The following ZNF107 variants were observed in gnomAD, a reference collection of about 807,000 sequenced individuals.
The protein encoded by ZNF107 is zinc finger protein 107.
A neutral mutation model predicts 12.3 loss-of-function variants in ZNF107; 19 were observed. That is an observed-to-expected ratio of 1.55 (90% CI 1.08 to 2.27). The LOEUF is 2.27. Among genes scored for constraint, ZNF107 ranks in the 30% most tolerant of loss-of-function variants. The probability of loss-of-function intolerance (pLI) is 0.00; values close to 1 mark genes in which losing one functional copy is unlikely to be tolerated. For synonymous variants in ZNF107, 317 were observed against 330.5 expected (o/e 0.96, Z 0.44); for missense variants, 958 against 979.9 (o/e 0.98, Z 0.30).
intron 3 of ZNF107, among the ~76,000 whole-genome samples, chr7:64,701,162 G>T (rs1790464097): frequency 2.0e-5 from 3 of 152,044 alleles, no homozygotes; most frequent in Admixed American, 1.3e-4. Flanking sequence ...TTCACTTAAA[G>T]CATATTATGT....
In ZNF107 at chr7:64,679,277, AC is replaced by A. The variant is rs1056606605; in HGVS notation, c.4-11968del. ...TTCCCCCGACTTCTTGAAGAGACCCACCCGCGACCTCGGTACCTCGGACCAG... is the reference window on the plus strand; with the variant it reads ...TTCCCCCGACTTCTTGAAGAGACCCACCGCGACCTCGGTACCTCGGACCAG... On this transcript the variant is annotated intron_variant, in intron 1 of 3. Transcript: ENST00000620827. The A allele has an allele frequency of 1.3e-5, 13 of 984,562 alleles. No homozygotes were observed. In the African/African-American group the frequency reaches 2.3e-4, roughly 17 times the overall value. 61.0% of individuals were successfully genotyped at this position (984,562 alleles called of 1,614,324 possible).
intron 3 of ZNF107, among the ~76,000 whole-genome samples, chr7:64,700,817 GGC>G (rs1790452974): frequency 2.6e-5 from 4 of 152,114 alleles, no homozygotes; most frequent in Non-Finnish European, 5.9e-5. Flanking sequence ...TGGGATTACA[GGC>G]GTGAGCCACC....
Position 64,691,394 on chromosome 7 carries a change from A to C in ZNF107, c.130+20A>C. ...TTTTGGGTGAGGATAACTTCAATACACAATTCCCAAAATACCCTTAAAGTT... is the reference window on the plus strand; with the variant it reads ...TTTTGGGTGAGGATAACTTCAATACCCAATTCCCAAAATACCCTTAAAGTT... On this transcript the variant is annotated intron_variant, in intron 2 of 3. Coordinates refer to ENST00000620827, the MANE Select transcript of ZNF107 (RefSeq NM_001282359.2). 7.0e-7 allele frequency: 1 copy of C among 1,421,362 alleles called. No homozygotes were observed. The allele number at this position is 1,421,362 out of a possible 1,614,324, so 88.0% of individuals were successfully genotyped here.
intron 3 of ZNF107, among the ~76,000 whole-genome samples, chr7:64,697,280 A>G (rs981544071): frequency 6.6e-6 from 1 of 152,092 alleles, no homozygotes; most frequent in Non-Finnish European, 1.5e-5. Flanking sequence ...ATAAACATAC[A>G]TGTGCATGTG....
intron 3 of ZNF107, among the ~76,000 whole-genome samples, chr7:64,694,137 G>A (rs1413528717): frequency 6.6e-6 from 1 of 152,188 alleles, no homozygotes; most frequent in African/African-American, 2.4e-5. Flanking sequence ...TGTGGATCAG[G>A]GAGCTGGAAC....
intron 1 of ZNF107, among the ~76,000 whole-genome samples, chr7:64,682,115 G>A (rs1248791688): frequency 8.4e-5 from 2 of 23,920 alleles, no homozygotes; most frequent in African/African-American, 1.2e-4. Context: ...CCAGTATGTC[G>A]ATGATCTCTG....
At chr7:64,703,822 ATTG>A (rs1562843469) in intron 3 of ZNF107, among the ~76,000 whole-genome samples, 1 of 152,024 alleles carries the variant, frequency 6.6e-6, no homozygotes, top group Non-Finnish European at 1.5e-5. Context: ...TGCTAACGTT[ATTG>A]TTTAATTTGA....
At chr7:64,696,114 A>G (rs555467800) in intron 3 of ZNF107, among the ~76,000 whole-genome samples, 1 of 151,868 alleles carries the variant, frequency 6.6e-6, no homozygotes, top group African/African-American at 2.4e-5. Context: ...CCAGCTAAAC[A>G]TGATCTTGGC....
At chr7:64,668,533 A>C (rs575820355) in intron 1 of ZNF107, among the ~76,000 whole-genome samples, 1 of 152,228 alleles carries the variant, frequency 6.6e-6, no homozygotes, top group South Asian at 2.1e-4. Context: ...TGTCACCTTG[A>C]AAAGATTTGT....
intron 1 of ZNF107, among the ~76,000 whole-genome samples, chr7:64,682,585 C>T (rs2128959960): frequency 6.6e-6 from 1 of 152,266 alleles, no homozygotes; most frequent in East Asian, 1.9e-4. Flanking sequence ...GGGGTCCTAA[C>T]ACAAGGGCCA....
rs544803482 is a variant in ZNF107 at position 64,706,984 on chromosome 7, A to T, written c.887A>T (p.Gln296Leu). ...GAAGAATGTGGCAAAGTCTTTAGCC[A>T]GTCCTCACACCTTACTACACAAAAG... ...KYEECGKVFS[Q>L]SSHLTTQKIL... Residue 296 changes from glutamine (Q) to leucine (L), a missense_variant, in exon 4 of 4, where the codon CAG (glutamine) becomes CTG (leucine). Gln to Leu is a moderately radical substitution (Grantham distance 113). Coordinates refer to ENST00000620827, the MANE Select transcript of ZNF107 (RefSeq NM_001282359.2). 7 of 1,613,674 alleles carry T rather than the reference A, an allele frequency of 4.3e-6. No homozygotes were observed. In the Admixed American group the frequency reaches 6.7e-5, roughly 15 times the overall value.
Position 64,709,294 on chromosome 7 carries a change from C to T in ZNF107, c.*638C>T. On this transcript the variant is annotated 3_prime_UTR_variant, in exon 4 of 4. Transcript: ENST00000620827. Reference sequence around the variant, plus strand: ...GTATTTATACTGGAAAGAAACCCTACAAATGTAAAAAACGTGGCAATGCCT... The same window carrying T: ...GTATTTATACTGGAAAGAAACCCTATAAATGTAAAAAACGTGGCAATGCCT... 1 of 346,208 alleles carries T rather than the reference C, an allele frequency of 2.9e-6. No homozygotes were observed. The highest frequency in any genetic ancestry group is 5.7e-6 in the Non-Finnish European group (1 of 175,852). 21.4% of individuals were successfully genotyped at this position (346,208 alleles called of 1,614,324 possible).
intron 3 of ZNF107, among the ~76,000 whole-genome samples, chr7:64,700,567 T>TG: frequency 9.4e-4 from 1 of 1,064 alleles, no homozygotes; most frequent in Non-Finnish European, 2.4e-3. Flanking sequence ...GCCCAGGCTG[T>TG]GGAGTGCAGT....
Position 64,707,157 on chromosome 7 carries a change from T to G in ZNF107, c.1060T>G (p.Ser354Ala). 6.2e-7 allele frequency: 1 copy of G among 1,613,732 alleles called. No individual in the cohort carries two copies. The highest frequency in any genetic ancestry group is 8.5e-7 in the Non-Finnish European group (1 of 1,179,810). The change falls in exon 4 of 4, where the codon TCA (serine) becomes GCA (alanine). Residue 354 changes from serine (S) to alanine (A), a missense_variant. Physicochemically the swap from Ser to Ala is moderately conservative, Grantham distance 99. Coordinates refer to ENST00000620827, the MANE Select transcript of ZNF107 (RefSeq NM_001282359.2). ...KECGRAFNIS[S>A]NLNKQEKIHT... The stretch of plus-strand genomic sequence containing the variant: ...ATGTGGCAGAGCTTTTAACATATCC[T>G]CAAACCTTAATAAACAGGAGAAAAT...
rs781023424 is a variant in ZNF107, at chr7:64,707,389, G to C, written c.1292G>C (p.Gly431Ala). The change falls in exon 4 of 4, where the codon GGC becomes GCC. Residue 431 changes from glycine (G) to alanine (A), a missense_variant. Physicochemically the swap from Gly to Ala is moderately conservative, Grantham distance 60 (BLOSUM62 0). Transcript: ENST00000620827. The part of the protein sequence containing the change: ...GEKPYKCKEC[G>A]KAFNQSSNLT... ...AAACCCTACAAATGTAAAGAATGTG[G>C]CAAAGCTTTTAACCAATCTTCAAAC... 2.5e-6 allele frequency: 4 copies of C among 1,611,952 alleles called. No individual in the cohort carries two copies. The highest frequency in any genetic ancestry group is 3.4e-6 in the Non-Finnish European group (4 of 1,179,316).
chr7:64,677,851 CAAAAAAAAA>C (rs36080718), intron 1 of ZNF107, among the ~76,000 whole-genome samples: 1 of 77,944 alleles, frequency 1.3e-5, no homozygotes, highest in Non-Finnish European at 2.4e-5. Flanking sequence ...GACTCTGTCT[CAAAAAAAAA>C]AAAAAAAAAA....
At chr7:64,700,702 G>A (rs376581482) in intron 3 of ZNF107, among the ~76,000 whole-genome samples, 3 of 151,616 alleles carry the variant, frequency 2.0e-5, no homozygotes, top group African/African-American at 7.3e-5. Context: ...ACCATGCCTG[G>A]CTAATTTTTG....
chr7:64,702,240 A>G (rs1304894465), intron 3 of ZNF107, among the ~76,000 whole-genome samples: 2 of 150,582 alleles, frequency 1.3e-5, no homozygotes. Flanking sequence ...CCTCCGCCCC[A>G]CTAGGTTCAA....
chr7:64,671,135 C>T (rs901930464), intron 1 of ZNF107, among the ~76,000 whole-genome samples: 34 of 152,280 alleles, frequency 2.2e-4, no homozygotes, highest in African/African-American at 6.5e-4. Context: ...TCTGGGAATG[C>T]GACGCTCTAC....
Sources: gnomAD v4.1 joint callset for allele counts (sites outside exome capture counted in the v4.1 genomes callset) on GRCh38, gnomAD v4.1.1 for gene constraint, MANE v1.5 for transcripts, NCBI Gene and HGNC (gene_info 2026-07-23, HGNC 2026-07-21) for gene names.